ZNF331: variants seen among roughly 807,000 people sequenced by gnomAD.
The protein encoded by ZNF331 is zinc finger protein 331.
ZNF331 carries 2 observed loss-of-function variants against 7.0 expected under a neutral mutation model. The ratio of observed to expected loss-of-function variants is 0.29; its 90% CI spans 0.12 to 0.90. ZNF331 has a LOEUF of 0.90. ZNF331 is among the 40% of genes least tolerant of loss of function. The pLI is 0.58. For synonymous variants in ZNF331, 196 were observed against 205.4 expected (o/e 0.95, Z 0.39); for missense variants, 432 against 587.7 (o/e 0.74, Z 2.74).
intron 2 of ZNF331, among the ~76,000 whole-genome samples, chr19:53,543,024 G>A (rs1568480878): frequency 6.6e-6 from 1 of 152,052 alleles, no homozygotes. Flanking sequence ...GGTCAGGCTG[G>A]TCTTGAACTC....
At chr19:53,556,650 GT>G (rs2089448803) in intron 3 of ZNF331, among the ~76,000 whole-genome samples, 5 of 151,640 alleles carry the variant, frequency 3.3e-5, no homozygotes, top group African/African-American at 1.2e-4. Context: ...GTTTTGTTTT[GT>G]TTTTGAGACA....
intron 3 of ZNF331, among the ~76,000 whole-genome samples, chr19:53,565,743 G>A (rs546606719): frequency 1.3e-5 from 2 of 152,052 alleles, no homozygotes; most frequent in East Asian, 3.9e-4. Flanking sequence ...TGGCCAGGCT[G>A]GTCTCAAACT....
the ZNF331 span, chr19:53,512,432 C>T: frequency 6.6e-6 from 1 of 152,140 alleles, no homozygotes. Flanking sequence ...CAGGGAGATC[C>T]CCTGGCTTTT....
upstream of ZNF331, among the ~76,000 whole-genome samples, chr19:53,516,436 G>A (rs1217028386): frequency 4.3e-5 from 6 of 140,314 alleles, no homozygotes; most frequent in African/African-American, 1.6e-4. Flanking sequence ...ACAACAGAAC[G>A]AGACTCCATC....
chr19:53,528,443 G>A (rs2087392288), intron 2 of ZNF331, among the ~76,000 whole-genome samples: 1 of 152,192 alleles, frequency 6.6e-6, no homozygotes, highest in African/African-American at 2.4e-5. Context: ...TAATTGTTAT[G>A]TATTACTATG....
the ZNF331 span, among the ~76,000 whole-genome samples, chr19:53,514,447 C>T: frequency 0.33 from 50,369 of 151,648 alleles, 8,506 homozygotes; most frequent in Middle Eastern, 0.42. Context: ...GTGATCCACC[C>T]GCCTTGGCCT....
chr19:53,535,866 C>T (rs556246381), upstream of ZNF331, among the ~76,000 whole-genome samples: 228 of 150,430 alleles, frequency 1.5e-3, no homozygotes, highest in African/African-American at 5.4e-3. Flanking sequence ...AGTGCAGTGG[C>T]GCAATCTTGG....
the ZNF331 span, among the ~76,000 whole-genome samples, chr19:53,508,905 C>T: frequency 2.0e-4 from 30 of 152,270 alleles, no homozygotes; most frequent in African/African-American, 6.7e-4. Context: ...ATGGGACTGA[C>T]TGATTCTGTG....
At position 53,576,847 on chromosome 19, in the gene ZNF331, G is replaced by C; in HGVS notation, c.287G>C (p.Arg96Thr). 6.2e-7 allele frequency: 1 copy of C among 1,614,150 alleles called. No individual in the cohort carries two copies. ...EGTLERPQRS[R>T]GRYVNQMIIN... ...ACGCTTGAAAGACCACAGCGCTCCA[G>C]AGGGAGGTATGTCAATCAGATGATC... The change falls in exon 6 of 6, where the codon AGA becomes ACA. Residue 96 changes from arginine to threonine, a missense_variant. Physicochemically the swap from Arg to Thr is moderately conservative, Grantham distance 71 (BLOSUM62 -1). Transcript: ENST00000449416.
At chr19:53,575,015 G>A (rs1255775722) in intron 5 of ZNF331, among the ~76,000 whole-genome samples, 1 of 146,688 alleles carries the variant, frequency 6.8e-6, no homozygotes, top group African/African-American at 2.5e-5. Context: ...TGGGCTCACT[G>A]CAGCCTTGAC....
At chr19:53,563,244 C>T (rs1216082599) in intron 3 of ZNF331, among the ~76,000 whole-genome samples, 4 of 151,858 alleles carry the variant, frequency 2.6e-5, no homozygotes, top group African/African-American at 7.3e-5. Context: ...TGTACCACCA[C>T]ACTCAGCTAA....
At chr19:53,509,295 T>C in the ZNF331 span, among the ~76,000 whole-genome samples, 3 of 152,200 alleles carry the variant, frequency 2.0e-5, no homozygotes, top group Admixed American at 2.0e-4. Flanking sequence ...TTATTCCTAT[T>C]TGGATAAACC....
intron 2 of ZNF331, among the ~76,000 whole-genome samples, chr19:53,553,045 C>G (rs1490007152): frequency 6.6e-6 from 1 of 152,010 alleles, no homozygotes; most frequent in Non-Finnish European, 1.5e-5. Flanking sequence ...TATACATACC[C>G]TTTCAAACCT....
intron 3 of ZNF331, 38 bp from the exon 4 acceptor site, chr19:53,569,266 G>C (rs564452614): frequency 8.1e-7 from 1 of 1,238,544 alleles, no homozygotes; most frequent in Non-Finnish European, 1.2e-6. Flanking sequence ...GGGGACCCCA[G>C]ATGCACCTCG....
chr19:53,537,215 G>A (rs577712525), upstream of ZNF331: 158 of 152,496 alleles, frequency 1.0e-3, no homozygotes, highest in Admixed American at 2.2e-3. Flanking sequence ...GTCAAAATGA[G>A]ACTGTGGTTA....
At chr19:53,537,349 C>G (rs975475921), upstream of ZNF331, 9 of 152,300 alleles carry the variant, frequency 5.9e-5, no homozygotes, top group African/African-American at 2.2e-4. Context: ...CGAATAGCAG[C>G]TCCGGCAGCC....
chr19:53,556,242 C>CAAAAAA (rs1160118053), intron 3 of ZNF331, among the ~76,000 whole-genome samples: 1 of 84,946 alleles, frequency 1.2e-5, no homozygotes, highest in Non-Finnish European at 2.4e-5. Context: ...GACTCCATCT[C>CAAAAAA]AAAAAAAAAA....
chr19:53,513,525 C>A, the ZNF331 span, among the ~76,000 whole-genome samples: 1 of 152,268 alleles, frequency 6.6e-6, no homozygotes, highest in Non-Finnish European at 1.5e-5. Flanking sequence ...TCCTCCGCAT[C>A]CTCACCACTT....
At chr19:53,512,252 G>T in the ZNF331 span, 1 of 153,750 alleles carries the variant, frequency 6.5e-6, no homozygotes, top group South Asian at 1.8e-4. Context: ...CCTCAGCAGG[G>T]AAGACAGAGA....
Sources: gnomAD v4.1 joint callset for allele counts (sites outside exome capture counted in the v4.1 genomes callset) on GRCh38, gnomAD v4.1.1 for gene constraint, MANE v1.5 for transcripts, NCBI Gene and HGNC (gene_info 2026-07-23, HGNC 2026-07-21) for gene names.